ADAMTS12: variants seen among roughly 807,000 people sequenced by gnomAD.
ADAMTS12 encodes the protein ADAM metallopeptidase with thrombospondin type 1 motif 12, also known as A disintegrin and metalloproteinase with thrombospondin motifs 12.
ADAMTS12 carries 118 observed loss-of-function variants against 167.8 expected under a neutral mutation model. That is an observed-to-expected ratio of 0.70 (90% CI 0.61 to 0.82). The LOEUF is 0.82. Ranked by LOEUF, ADAMTS12 falls within the 40% of genes least tolerant of loss-of-function variation. The pLI, the probability that ADAMTS12 is intolerant of heterozygous loss-of-function variation, is 0.00. For synonymous variants in ADAMTS12, 704 were observed against 716.9 expected (o/e 0.98, Z 0.29); for missense variants, 1,916 against 1,998.8 (o/e 0.96, Z 0.79).
intron 18 of ADAMTS12, among the ~76,000 whole-genome samples, chr5:33,583,778 A>G (rs1747198220): frequency 6.6e-6 from 1 of 152,158 alleles, no homozygotes; most frequent in Admixed American, 6.5e-5. Context: ...CCTGCTTGCC[A>G]TTAGTATGCC....
chr5:33,538,799 T>C (rs1300696147), intron 22 of ADAMTS12, among the ~76,000 whole-genome samples: 1 of 152,214 alleles, frequency 6.6e-6, no homozygotes, highest in African/African-American at 2.4e-5. Context: ...CTTCTCTGCC[T>C]CCTTTCTCTT....
Position 33,657,199 on chromosome 5 carries a change from A to G in ADAMTS12, c.1190+985T>C, listed in dbSNP as rs143348740. Among the ~76,000 whole-genome samples, 196 of 152,328 alleles carry G rather than the reference A, an allele frequency of 1.3e-3. 2 individuals are homozygous for G. The East Asian group carries it at 0.018, about 14-fold the overall frequency. ...TTGTTTTAGAAAGTCCAAATGTTAT[A>G]TTAGAAAAATGGTGAGCAAGCTGAA... On this transcript the variant is annotated intron_variant, in intron 7 of 23. Transcript: ENST00000504830.
intron 15 of ADAMTS12, among the ~76,000 whole-genome samples, chr5:33,615,447 A>G (rs12520271): frequency 0.22 from 32,909 of 152,072 alleles, 4,036 homozygotes; most frequent in South Asian, 0.33. Flanking sequence ...CAAGAATTTC[A>G]CAAAGCCAAA....
chr5:33,683,310 G>A (rs557591154), intron 4 of ADAMTS12, among the ~76,000 whole-genome samples: 83 of 152,168 alleles, frequency 5.5e-4, no homozygotes, highest in Non-Finnish European at 8.8e-4. Flanking sequence ...TAGCTTGGCT[G>A]TGTGTTTGAA....
At chr5:33,607,365 G>T (rs1004310686) in intron 16 of ADAMTS12, among the ~76,000 whole-genome samples, 1 of 152,166 alleles carries the variant, frequency 6.6e-6, no homozygotes, top group Non-Finnish European at 1.5e-5. Context: ...CAGCAAGGTT[G>T]CCGGATACAA....
At chr5:33,866,395 T>C (rs1231668852) in intron 2 of ADAMTS12, among the ~76,000 whole-genome samples, 1 of 152,126 alleles carries the variant, frequency 6.6e-6, no homozygotes, top group Non-Finnish European at 1.5e-5. Context: ...TAGAGCCACA[T>C]ATAGAAGAAT....
At chr5:33,646,042 A>G (rs1419844155) in intron 9 of ADAMTS12, among the ~76,000 whole-genome samples, 2 of 152,134 alleles carry the variant, frequency 1.3e-5, no homozygotes, top group Non-Finnish European at 2.9e-5. Context: ...GTTCCAAGGA[A>G]CCACTGTGCA....
At chr5:33,844,607 A>G (rs1235625902) in intron 2 of ADAMTS12, among the ~76,000 whole-genome samples, 1 of 152,246 alleles carries the variant, frequency 6.6e-6, no homozygotes, top group African/African-American at 2.4e-5. Flanking sequence ...ATCAATGACA[A>G]TGGTGCCCGA....
chr5:33,680,375 C>T (rs949984347), intron 5 of ADAMTS12, among the ~76,000 whole-genome samples: 10 of 152,134 alleles, frequency 6.6e-5, no homozygotes, highest in African/African-American at 1.7e-4. Context: ...GGGCCTGATC[C>T]GTGGAAGCCA....
At chr5:33,655,555 C>T (rs1741022525) in intron 7 of ADAMTS12, among the ~76,000 whole-genome samples, 1 of 150,944 alleles carries the variant, frequency 6.6e-6, no homozygotes, top group Admixed American at 6.6e-5. Flanking sequence ...CTGGTATTTC[C>T]TTTACCTTCC....
intron 14 of ADAMTS12, among the ~76,000 whole-genome samples, chr5:33,623,710 A>G (rs1739440477): frequency 6.6e-6 from 1 of 152,224 alleles, no homozygotes; most frequent in Non-Finnish European, 1.5e-5. Flanking sequence ...GGAATAAACG[A>G]GATTTGATGC....
At chr5:33,732,320 GA>G (rs1384699243) in intron 3 of ADAMTS12, among the ~76,000 whole-genome samples, 19 of 152,190 alleles carry the variant, frequency 1.2e-4, no homozygotes, top group African/African-American at 4.6e-4. Flanking sequence ...GAGGAAATCA[GA>G]AAGAAAACGT....
intron 2 of ADAMTS12, among the ~76,000 whole-genome samples, chr5:33,796,216 A>G (rs1746770947): frequency 6.6e-6 from 1 of 152,210 alleles, no homozygotes; most frequent in South Asian, 2.1e-4. Flanking sequence ...GGCATACTCT[A>G]TCCACCAACA....
At position 33,760,907 on chromosome 5, in the gene ADAMTS12, G is replaced by A. The variant is rs970474794; in HGVS notation, c.490-9359C>T. Among the ~76,000 whole-genome samples the A allele has an allele frequency of 2.6e-5, 4 of 151,618 alleles. No individual in the cohort carries two copies. The South Asian group carries it at 8.3e-4, about 31-fold the overall frequency. ...TGTGTGTGTGTGTGTGTGTGTGTGTGTGTGTGTGTGTGTGCGTATGCGCTT... is the reference window on the plus strand; with the variant it reads ...TGTGTGTGTGTGTGTGTGTGTGTGTATGTGTGTGTGTGTGCGTATGCGCTT... On this transcript the variant is annotated intron_variant, in intron 2 of 23. Coordinates refer to ENST00000504830, the MANE Select transcript of ADAMTS12 (RefSeq NM_030955.4).
At chr5:33,775,536 G>A (rs1313978563) in intron 2 of ADAMTS12, among the ~76,000 whole-genome samples, 1 of 152,136 alleles carries the variant, frequency 6.6e-6, no homozygotes, top group African/African-American at 2.4e-5. Context: ...ACAAGGCGGT[G>A]GAATAGGACT....
chr5:33,638,864 C>T (rs907901281), intron 11 of ADAMTS12, among the ~76,000 whole-genome samples: 18 of 152,130 alleles, frequency 1.2e-4, no homozygotes, highest in Admixed American at 9.8e-4. Context: ...ACCAGCCTTC[C>T]TGTCAGGATC....
intron 2 of ADAMTS12, among the ~76,000 whole-genome samples, chr5:33,865,477 A>G (rs1397611529): frequency 6.6e-6 from 1 of 152,170 alleles, no homozygotes; most frequent in Non-Finnish European, 1.5e-5. Flanking sequence ...TCAAAATAAT[A>G]AAAGCCATAT....
intron 3 of ADAMTS12, among the ~76,000 whole-genome samples, chr5:33,716,790 C>T (rs1462548158): frequency 6.6e-6 from 1 of 152,126 alleles, no homozygotes; most frequent in African/African-American, 2.4e-5. Flanking sequence ...CTTAAACTCA[C>T]AAGATTCTTC....
intron 17 of ADAMTS12, 33 bp from the exon 18 acceptor site, chr5:33,588,842 C>T (rs775956446): frequency 6.2e-7 from 1 of 1,606,880 alleles, no homozygotes; most frequent in Non-Finnish European, 8.5e-7. Context: ...GAGAGAAGAT[C>T]GCCAACTTAC....
Sources: gnomAD v4.1 joint callset for allele counts (sites outside exome capture counted in the v4.1 genomes callset) on GRCh38, gnomAD v4.1.1 for gene constraint, MANE v1.5 for transcripts, NCBI Gene and HGNC (gene_info 2026-07-23, HGNC 2026-07-21) for gene names.